The following GCNT2 variants were observed in gnomAD, a reference collection of about 807,000 sequenced individuals.
GCNT2 encodes N-acetyllactosaminide beta-1,6-N-acetylglucosaminyl-transferase.
GCNT2 carries 34 observed loss-of-function variants against 34.2 expected under a neutral mutation model. The observed-to-expected ratio is 1.00, with a 90% CI of 0.76 to 1.32. The LOEUF (loss-of-function observed/expected upper bound fraction) is 1.32. Among genes scored for constraint, GCNT2 ranks in the 40% most tolerant of loss-of-function variants. The pLI is 0.00. For synonymous variants in GCNT2, 212 were observed against 188.0 expected (o/e 1.13, Z -1.04); for missense variants, 584 against 489.4 (o/e 1.19, Z -1.82).
rs186241903 is a variant in GCNT2 at position 10,569,156 on chromosome 6, T to C, written c.925+39320T>C. Among the ~76,000 whole-genome samples the C allele has an allele frequency of 3.6e-3, 550 of 151,494 alleles. 3 individuals carry two copies. The highest frequency in any genetic ancestry group is 0.01 in the Middle Eastern group (3 of 294). ...GTCAAATGGAAATAATTTTAGGATG[T>C]TGGTGCCCCTCAGCACTGCTGCCTA... On this transcript the variant is annotated intron_variant, in intron 3 of 4. Coordinates refer to ENST00000495262, the MANE Select transcript of GCNT2 (RefSeq NM_145649.5).
chr6:10,600,002 A>C (rs1581467479), intron 3 of GCNT2, among the ~76,000 whole-genome samples: 1 of 152,226 alleles, frequency 6.6e-6, no homozygotes, highest in Non-Finnish European at 1.5e-5. Context: ...TACTCTCATC[A>C]TTTAAAGTGG....
rs1554127248 is a variant in GCNT2 at position 10,538,437 on chromosome 6, A to AATATATATATATATATAT, written c.925+8604_925+8621dup. ...AAAAAAAAAAAAAAAAAAAAAAAAA[A>AATATATATATATATATAT]ATATATATATATATATATATGTTGA... On this transcript the variant is annotated intron_variant, in intron 3 of 4. Transcript: ENST00000495262. Among the ~76,000 whole-genome samples the AATATATATATATATATAT allele has an allele frequency of 3.1e-4, 23 of 73,334 alleles. 1 individual carries two copies. The highest frequency in any genetic ancestry group is 2.5e-3 in the African/African-American group (21 of 8,380). The allele number at this position is 73,334 out of a possible 152,430, so 48.1% of individuals were successfully genotyped here.
intron 3 of GCNT2, among the ~76,000 whole-genome samples, chr6:10,587,782 AC>A (rs1204474041): frequency 6.6e-6 from 1 of 152,260 alleles, no homozygotes; most frequent in East Asian, 1.9e-4. Context: ...GACCTGCGTT[AC>A]GTCTTTCCTG....
intron 3 of GCNT2, among the ~76,000 whole-genome samples, chr6:10,579,138 TCTGC>T (rs1763956515): frequency 6.6e-6 from 1 of 152,232 alleles, no homozygotes; most frequent in East Asian, 1.9e-4. Context: ...TGTCATGTAC[TCTGC>T]CTGCTTTTCT....
At chr6:10,585,769 AGT>A in intron 3 of GCNT2, 2 of 1,420,268 alleles carry the variant, frequency 1.4e-6, no homozygotes, top group South Asian at 3.1e-5. Flanking sequence ...TGCAGACCAA[AGT>A]GAGAGAGGGA....
intron 1 of GCNT2, among the ~76,000 whole-genome samples, chr6:10,524,988 G>T (rs1215957831): frequency 6.6e-6 from 1 of 152,102 alleles, no homozygotes; most frequent in Non-Finnish European, 1.5e-5. Context: ...CACCCCCCCG[G>T]TTTCTAATTT....
intron 1 of GCNT2, among the ~76,000 whole-genome samples, chr6:10,523,466 AG>A (rs1761026202): frequency 6.6e-6 from 1 of 151,130 alleles, no homozygotes; most frequent in East Asian, 2.0e-4. Flanking sequence ...TTTCTCTTAT[AG>A]TTTCCTATTA....
At chr6:10,596,137 GTTTTCT>G (rs1285543261) in intron 3 of GCNT2, among the ~76,000 whole-genome samples, 1 of 152,140 alleles carries the variant, frequency 6.6e-6, no homozygotes, top group African/African-American at 2.4e-5. Context: ...ACCGGACTGA[GTTTTCT>G]TTTTCTTTGT....
chr6:10,579,840 A>ACC lies in GCNT2; in HGVS notation c.926-41511_926-41510insCC, dbSNP rs531421590. 3.7e-3 allele frequency among the ~76,000 whole-genome samples: 540 copies of ACC among 145,640 alleles called. 3 individuals are homozygous for ACC. The highest frequency in any genetic ancestry group is 0.013 in the African/African-American group (457 of 36,150). On this transcript the variant is annotated intron_variant, in intron 3 of 4. Transcript: ENST00000495262. ...CAAAAAACAAACAAAAAAAAAAAAA[A>ACC]AAAAAAAACAAGTAATAAAATGGGC...
Position 10,574,398 on chromosome 6 carries a change from A to G in GCNT2, c.925+44562A>G, listed in dbSNP as rs3778164. The stretch of plus-strand genomic sequence containing the variant: ...TTTTACAGAAAAGAAAACTGAGGCT[A>G]TGAGTGTAAATTACTTGCCTACATT... On this transcript the variant is annotated intron_variant, in intron 3 of 4. Transcript: ENST00000495262. Among the ~76,000 whole-genome samples, 156 of 152,364 alleles carry G rather than the reference A, an allele frequency of 1.0e-3. 1 individual carries two copies. The East Asian group carries it at 0.027, about 26-fold the overall frequency.
intron 3 of GCNT2, among the ~76,000 whole-genome samples, chr6:10,554,972 C>A (rs1291995051): frequency 6.6e-6 from 1 of 152,150 alleles, no homozygotes; most frequent in East Asian, 1.9e-4. Context: ...TTCAGGGTGC[C>A]CCTGAATCCC....
intron 3 of GCNT2, chr6:10,574,692 TG>T (rs1763715299): frequency 2.7e-6 from 1 of 367,412 alleles, no homozygotes; most frequent in Non-Finnish European, 5.2e-6. Flanking sequence ...GAATGTTTTT[TG>T]TTTGTTTGTT....
At chr6:10,537,477 G>C (rs1761814693) in intron 3 of GCNT2, among the ~76,000 whole-genome samples, 1 of 152,024 alleles carries the variant, frequency 6.6e-6, no homozygotes, top group South Asian at 2.1e-4. Context: ...GAGGCAGGTG[G>C]ATCACTAGAG....
chr6:10,605,181 T>G (rs569514548), intron 3 of GCNT2, among the ~76,000 whole-genome samples: 50 of 150,212 alleles, frequency 3.3e-4, no homozygotes, highest in Non-Finnish European at 6.6e-4. Flanking sequence ...GTTCTCAACC[T>G]TAACCACATA....
chr6:10,540,727 TTC>T (rs1762003266), intron 3 of GCNT2, among the ~76,000 whole-genome samples: 1 of 152,180 alleles, frequency 6.6e-6, no homozygotes, highest in African/African-American at 2.4e-5. Flanking sequence ...GTGGAGAAAA[TTC>T]CCCTTCAGCA....
In GCNT2 at chr6:10,626,652, A is replaced by G; in HGVS notation, c.*45A>G. On this transcript the variant is annotated 3_prime_UTR_variant, in exon 5 of 5. Coordinates refer to ENST00000495262, the MANE Select transcript of GCNT2 (RefSeq NM_145649.5). ...TGACTGAAGGGAAACTGCAGCTGGG[A>G]AGAGGAGCCTGTTTTTGTGAGAGAC... 7.0e-7 allele frequency: 1 copy of G among 1,425,506 alleles called. No individual in the cohort carries two copies. The highest frequency in any genetic ancestry group is 9.9e-7 in the Non-Finnish European group (1 of 1,008,666). 88.3% of individuals were successfully genotyped at this position (1,425,506 alleles called of 1,614,324 possible). A position where few individuals can be genotyped will look rare whatever the true frequency, so the allele number is the denominator to read the frequency against.
chr6:10,541,012 TTTTC>T (rs1229723852), intron 3 of GCNT2, among the ~76,000 whole-genome samples: 3 of 152,262 alleles, frequency 2.0e-5, no homozygotes, highest in Admixed American at 6.5e-5. Context: ...ATTGTTTTTG[TTTTC>T]TTTCTATTTT....
intron 4 of GCNT2, among the ~76,000 whole-genome samples, chr6:10,624,105 C>A (rs1468826031): frequency 2.0e-5 from 3 of 152,134 alleles, no homozygotes; most frequent in African/African-American, 7.2e-5. Context: ...TTCAGCTAGG[C>A]CTCCTGGCTA....
Position 10,529,698 on chromosome 6 carries a change from G to T in GCNT2, c.787G>T (p.Gly263Cys). The change falls in exon 3 of 5, where the codon GGC becomes TGC. Residue 263 changes from glycine to cysteine, a missense_variant. Coordinates refer to ENST00000495262, the MANE Select transcript of GCNT2 (RefSeq NM_145649.5). ...PPPHDMVIYF[G>C]TAYVALTRDF... Reference sequence around the variant, plus strand: ...TCCTCATGACATGGTGATTTACTTTGGCACGGCCTACGTGGCTCTCACAAG... The same window carrying T: ...TCCTCATGACATGGTGATTTACTTTTGCACGGCCTACGTGGCTCTCACAAG... 6.2e-7 allele frequency: 1 copy of T among 1,613,960 alleles called. No homozygotes were observed. Among genetic ancestry groups the T allele is most frequent in the South Asian group, 1.1e-5 (1 of 91,072 alleles).
Sources: gnomAD v4.1 joint callset for allele counts (sites outside exome capture counted in the v4.1 genomes callset) on GRCh38, gnomAD v4.1.1 for gene constraint, MANE v1.5 for transcripts, NCBI Gene and HGNC (gene_info 2026-07-23, HGNC 2026-07-21) for gene names.